The following CDH18 variants were observed in gnomAD, a reference collection of about 807,000 sequenced individuals.
The protein encoded by CDH18 is cadherin 18, also known as cadherin-18.
In CDH18, 31 loss-of-function variants were observed where a neutral mutation model predicts 67.9. The ratio of observed to expected loss-of-function variants is 0.46; its 90% CI spans 0.34 to 0.62. The LOEUF is 0.62. CDH18 is among the 20% of genes least tolerant of loss of function. CDH18 has a pLI of 0.01. For synonymous variants in CDH18, 362 were observed against 347.2 expected (o/e 1.04, Z -0.48); for missense variants, 890 against 975.5 (o/e 0.91, Z 1.17).
intron 2 of CDH18, among the ~76,000 whole-genome samples, chr5:19,848,484 G>C (rs1192714999): frequency 6.6e-6 from 1 of 152,076 alleles, no homozygotes. Context: ...AAGAGAATTG[G>C]TCCATGTATT....
At chr5:19,699,933 G>A (rs779727272) in intron 5 of CDH18, among the ~76,000 whole-genome samples, 9 of 152,032 alleles carry the variant, frequency 5.9e-5, no homozygotes, top group Admixed American at 1.3e-4. Flanking sequence ...AGACTTCACC[G>A]CTAGGAAATA....
chr5:19,544,874 C>T (rs929467517), intron 8 of CDH18, among the ~76,000 whole-genome samples: 3 of 152,064 alleles, frequency 2.0e-5, no homozygotes, highest in African/African-American at 4.8e-5. Flanking sequence ...TGCAGATGCA[C>T]GATGGAGTGC....
chr5:19,565,859 A>C (rs913433976), intron 8 of CDH18, among the ~76,000 whole-genome samples: 1 of 152,244 alleles, frequency 6.6e-6, no homozygotes, highest in Admixed American at 6.5e-5. Context: ...CAAATAAAAA[A>C]TAGATAAATG....
chr5:20,537,757 A>AG (rs1554016096), intron 1 of CDH18, among the ~76,000 whole-genome samples: 1 of 76,898 alleles, frequency 1.3e-5, no homozygotes, highest in African/African-American at 4.4e-5. Flanking sequence ...AAAAAACTAG[A>AG]GGAAAAAAGT....
chr5:19,643,307 G>A (rs1453400175), intron 5 of CDH18, among the ~76,000 whole-genome samples: 2 of 152,082 alleles, frequency 1.3e-5, no homozygotes, highest in African/African-American at 2.4e-5. Flanking sequence ...TAGAACTGCC[G>A]TATGATCCAG....
chr5:20,472,247 T>A (rs1471164306), intron 1 of CDH18, among the ~76,000 whole-genome samples: 1 of 152,250 alleles, frequency 6.6e-6, no homozygotes, highest in Non-Finnish European at 1.5e-5. Context: ...TGAAGTTTTC[T>A]AATAATAGTG....
intron 2 of CDH18, among the ~76,000 whole-genome samples, chr5:20,172,190 G>GTGTGTATATA (rs1342353318): frequency 2.4e-3 from 55 of 23,330 alleles, no homozygotes; most frequent in African/African-American, 8.1e-3. Flanking sequence ...AGCATTGTGT[G>GTGTGTATATA]TATATATATA....
At chr5:19,985,629 C>A (rs1364781948) in intron 1 of CDH18, among the ~76,000 whole-genome samples, 1 of 151,690 alleles carries the variant, frequency 6.6e-6, no homozygotes, top group Non-Finnish European at 1.5e-5. Context: ...ATACCAACAG[C>A]ACCAAGGTTA....
In CDH18 at chr5:20,319,179, C is replaced by T. The variant is rs577129097; in HGVS notation, c.-579-63674G>A. The stretch of plus-strand genomic sequence containing the variant: ...CAGTACTTTTTCTGTCATTTCTTTG[C>T]TAGAGATCCCCAATTATTTCCCTTT... On this transcript the variant is annotated intron_variant, in intron 1 of 14. Transcript: ENST00000507958. 9.9e-5 allele frequency among the ~76,000 whole-genome samples: 15 copies of T among 152,270 alleles called. No homozygotes were observed. In the South Asian group the frequency reaches 2.3e-3, roughly 23 times the overall value.
At chr5:19,504,381 G>A (rs772149088) in intron 10 of CDH18, among the ~76,000 whole-genome samples, 3 of 151,698 alleles carry the variant, frequency 2.0e-5, no homozygotes, top group Non-Finnish European at 4.4e-5. Flanking sequence ...TATCCTTCTT[G>A]ATTTCCCTCC....
At chr5:19,642,193 G>A (rs978499207) in intron 5 of CDH18, among the ~76,000 whole-genome samples, 1 of 151,814 alleles carries the variant, frequency 6.6e-6, no homozygotes, top group Non-Finnish European at 1.5e-5. Context: ...ATAGATAAAT[G>A]GAAAGACAGC....
At chr5:19,778,835 C>G (rs370919890) in intron 3 of CDH18, among the ~76,000 whole-genome samples, 1 of 152,142 alleles carries the variant, frequency 6.6e-6, no homozygotes, top group Non-Finnish European at 1.5e-5. Flanking sequence ...CATCCCTGGA[C>G]AGGAGAATAT....
chr5:19,639,302 G>C (rs555903535), intron 5 of CDH18, among the ~76,000 whole-genome samples: 7 of 152,088 alleles, frequency 4.6e-5, no homozygotes, highest in South Asian at 2.1e-4. Flanking sequence ...CGCCCGGCCT[G>C]ATGGCTGGGA....
intron 4 of CDH18, among the ~76,000 whole-genome samples, chr5:19,744,664 C>T (rs1378928086): frequency 6.6e-6 from 1 of 152,110 alleles, no homozygotes; most frequent in Non-Finnish European, 1.5e-5. Context: ...AGATCCTTCT[C>T]CAAATATTTA....
intron 2 of CDH18, among the ~76,000 whole-genome samples, chr5:20,090,882 A>T (rs191353578): frequency 9.9e-5 from 15 of 151,676 alleles, no homozygotes; most frequent in Admixed American, 7.2e-4. Flanking sequence ...TATATATATA[A>T]AATATAAAAG....
Position 20,380,767 on chromosome 5 carries a change from A to G in CDH18, c.-579-125262T>C, listed in dbSNP as rs545083648. Among the ~76,000 whole-genome samples, 36 of 152,320 alleles carry G rather than the reference A, an allele frequency of 2.4e-4. 1 individual carries two copies. Among genetic ancestry groups the G allele is most frequent in the Admixed American group, 1.8e-3 (28 of 15,304 alleles). ...ATGACAGAAATAAAGGCTTTTAAAC[A>G]AAATTAAAAATGGAGTTAACAGATA... On this transcript the variant is annotated intron_variant, in intron 1 of 14. Transcript: ENST00000507958.
intron 1 of CDH18, among the ~76,000 whole-genome samples, chr5:20,499,629 T>G (rs1039826301): frequency 5.9e-5 from 9 of 152,064 alleles, no homozygotes; most frequent in African/African-American, 1.9e-4. Flanking sequence ...ATGCTCAGAG[T>G]CAGTGAAGGT....
intron 1 of CDH18, among the ~76,000 whole-genome samples, chr5:20,343,296 T>C (rs1740421821): frequency 6.6e-6 from 1 of 152,182 alleles, no homozygotes; most frequent in African/African-American, 2.4e-5. Flanking sequence ...ACATACATTA[T>C]ACAAACAGAA....
chr5:20,014,866 G>C (rs1737748709), intron 2 of CDH18, among the ~76,000 whole-genome samples: 1 of 152,040 alleles, frequency 6.6e-6, no homozygotes, highest in Non-Finnish European at 1.5e-5. Flanking sequence ...TTGAACTGTT[G>C]ATCATTTGGT....
Sources: allele counts gnomAD v4.1 joint callset (sites outside exome capture counted in the v4.1 genomes callset), GRCh38; gene constraint gnomAD v4.1.1; transcripts MANE v1.5; gene names NCBI Gene and HGNC (gene_info 2026-07-23, HGNC 2026-07-21).